The following SYCP2L variants were observed in gnomAD, a reference collection of about 807,000 sequenced individuals.
The protein encoded by SYCP2L is synaptonemal complex protein 2-like.
Under a neutral mutation model 125.8 loss-of-function variants are expected in SYCP2L, and 98 were observed. That is an observed-to-expected ratio of 0.78 (90% CI 0.66 to 0.92). SYCP2L has a LOEUF of 0.92. Ranked by LOEUF, SYCP2L falls within the 40% of genes least tolerant of loss-of-function variation. The probability of loss-of-function intolerance (pLI) is 0.00; values close to 1 mark genes in which losing one functional copy is unlikely to be tolerated. For missense variants in SYCP2L, 842 were observed against 936.4 expected, an observed-to-expected ratio of 0.90 and a Z score of 1.32; for synonymous variants, 317 against 325.4, an observed-to-expected ratio of 0.97 and a Z score of 0.28.
intron 29 of SYCP2L, among the ~76,000 whole-genome samples, chr6:10,971,472 A>AAAAG (rs1184443010): frequency 1.3e-4 from 20 of 151,192 alleles, no homozygotes; most frequent in South Asian, 4.2e-4. Flanking sequence ...AAAAAAAAAA[A>AAAAG]AAAGAAAGAA....
intron 10 of SYCP2L, among the ~76,000 whole-genome samples, chr6:10,908,985 G>A (rs754382651): frequency 9.2e-5 from 14 of 152,146 alleles, no homozygotes; most frequent in African/African-American, 2.9e-4. Context: ...TGTTGTAGGC[G>A]CTCACGTGTT....
chr6:10,916,579 A>G (rs548821397), intron 14 of SYCP2L, among the ~76,000 whole-genome samples: 6 of 152,360 alleles, frequency 3.9e-5, no homozygotes, highest in South Asian at 4.1e-4. Context: ...TTTTGACCCA[A>G]TGATCATTCA....
In SYCP2L at chr6:10,912,596, T is replaced by G. The variant is rs1303733270; in HGVS notation, c.919-77T>G. ...TTCCAGGAAGAGCACAAATTCTATTTTCAAGGGAATAATGTTTATCTGACC... is the reference window on the plus strand; with the variant it reads ...TTCCAGGAAGAGCACAAATTCTATTGTCAAGGGAATAATGTTTATCTGACC... On this transcript the variant is annotated intron_variant, in intron 12 of 29. Coordinates refer to ENST00000283141, the MANE Select transcript of SYCP2L (RefSeq NM_001040274.3). The surrounding 1 kb of genome is among the most constrained non-coding windows in gnomAD (Gnocchi z 4.1). 21 of 1,070,846 alleles carry G rather than the reference T, an allele frequency of 2.0e-5. No homozygotes were observed. The highest frequency in any genetic ancestry group is 2.7e-5 in the Non-Finnish European group (19 of 716,836). The allele number at this position is 1,070,846 out of a possible 1,614,324, so 66.3% of individuals were successfully genotyped here.
chr6:10,940,666 A>G (rs937387874), intron 21 of SYCP2L, among the ~76,000 whole-genome samples: 1 of 152,090 alleles, frequency 6.6e-6, no homozygotes, highest in African/African-American at 2.4e-5. Flanking sequence ...AGTGGTTGCC[A>G]GGTGCTAGGA....
intron 6 of SYCP2L, among the ~76,000 whole-genome samples, chr6:10,901,242 A>G (rs1368278294): frequency 6.6e-6 from 1 of 152,184 alleles, no homozygotes; most frequent in South Asian, 2.1e-4. Flanking sequence ...TCTTCTTTGT[A>G]TATGACAACA....
intron 29 of SYCP2L, among the ~76,000 whole-genome samples, chr6:10,966,455 T>G (rs941282840): frequency 6.6e-6 from 1 of 152,228 alleles, no homozygotes; most frequent in Non-Finnish European, 1.5e-5. Flanking sequence ...CGTGAAATTC[T>G]AAATGCATTA....
chr6:10,898,710 TCTG>T, intron 5 of SYCP2L, 111 bp from the exon 6 acceptor site: 1 of 758,718 alleles, frequency 1.3e-6, no homozygotes, highest in Non-Finnish European at 2.3e-6. Flanking sequence ...ATGCTTTTCT[TCTG>T]TAAAGTCAAT....
In SYCP2L at chr6:10,905,780, A is replaced by G. The variant is rs146739341; in HGVS notation, c.642-240A>G. 7.1e-3 allele frequency among the ~76,000 whole-genome samples: 1,077 copies of G among 152,336 alleles called. 11 individuals carry two copies. Among genetic ancestry groups the G allele is most frequent in the African/African-American group, 0.022 (933 of 41,578 alleles). ...ATTGAATTCACTTTACAAGAGGGAA[A>G]ACAGAACCTCAGAGTGTATATAGTA... On this transcript the variant is annotated intron_variant, in intron 8 of 29. Transcript: ENST00000283141.
At chr6:10,907,311 C>G (rs1395473154) in intron 9 of SYCP2L, among the ~76,000 whole-genome samples, 1 of 151,612 alleles carries the variant, frequency 6.6e-6, no homozygotes, top group African/African-American at 2.4e-5. Flanking sequence ...CCACTGCACT[C>G]CAGCCACCAC....
intron 20 of SYCP2L, among the ~76,000 whole-genome samples, chr6:10,932,406 C>G: frequency 6.6e-6 from 1 of 152,202 alleles, no homozygotes; most frequent in Non-Finnish European, 1.5e-5. Context: ...GTATACAGTA[C>G]AGAGCATATC....
At chr6:10,933,078 A>G (rs1781026376) in intron 20 of SYCP2L, among the ~76,000 whole-genome samples, 1 of 152,196 alleles carries the variant, frequency 6.6e-6, no homozygotes, top group Non-Finnish European at 1.5e-5. Context: ...CGATAAATTT[A>G]AGCTGTGCCT....
At chr6:10,957,699 C>G (rs931980221) in intron 25 of SYCP2L, among the ~76,000 whole-genome samples, 9 of 152,268 alleles carry the variant, frequency 5.9e-5, no homozygotes, top group Admixed American at 3.3e-4. Flanking sequence ...CACATGTAGT[C>G]CCAGCTACTC....
rs75572084 is a variant in SYCP2L, at chr6:10,964,577, T to A, written c.*37+734T>A. 5.3e-3 allele frequency among the ~76,000 whole-genome samples: 801 copies of A among 152,268 alleles called. 12 individuals carry two copies. Among genetic ancestry groups the A allele is most frequent in the East Asian group, 0.051 (264 of 5,190 alleles). ...AAAATTTTGGATTAAATTAAAAATTTAAAATTTAAATTTTAAAAATTTAAA... is the reference window on the plus strand; with the variant it reads ...AAAATTTTGGATTAAATTAAAAATTAAAAATTTAAATTTTAAAAATTTAAA... On this transcript the variant is annotated intron_variant, in intron 29 of 29. Coordinates refer to ENST00000283141, the MANE Select transcript of SYCP2L (RefSeq NM_001040274.3).
At chr6:10,952,598 G>A (rs1220878898) in intron 23 of SYCP2L, among the ~76,000 whole-genome samples, 1 of 121,382 alleles carries the variant, frequency 8.2e-6, no homozygotes, top group African/African-American at 3.0e-5. Flanking sequence ...AAAAAAAAAA[G>A]TTCCAGAAGG....
Position 10,924,579 on chromosome 6 carries a change from C to T in SYCP2L, c.1156C>T (p.His386Tyr). 1 of 1,605,252 alleles carries T rather than the reference C, an allele frequency of 6.2e-7. No individual in the cohort carries two copies. The highest frequency in any genetic ancestry group is 8.5e-7 in the Non-Finnish European group (1 of 1,177,504). The change falls in exon 15 of 30, where the codon CAT becomes TAT. Residue 386 changes from histidine (H) to tyrosine (Y), a missense_variant. Transcript: ENST00000283141. ...SYKEVMKIEI[H>Y]FDLQFNISQV... ...CAAAGAAGTCATGAAAATAGAAATC[C>T]ATTTTGATTTGCAGTTCAACATATC...
intron 14 of SYCP2L, among the ~76,000 whole-genome samples, chr6:10,923,459 C>G (rs1780837164): frequency 7.1e-6 from 1 of 140,778 alleles, no homozygotes; most frequent in African/African-American, 2.7e-5. Context: ...GATCTCGGCT[C>G]ATTGCAACCT....
At chr6:10,937,337 C>T (rs928296250) in intron 21 of SYCP2L, among the ~76,000 whole-genome samples, 6 of 151,770 alleles carry the variant, frequency 4.0e-5, no homozygotes, top group Non-Finnish European at 8.8e-5. Context: ...AACACACTCC[C>T]GAATAACCAA....
chr6:10,947,913 C>T (rs1421630361), intron 23 of SYCP2L, among the ~76,000 whole-genome samples: 1 of 151,966 alleles, frequency 6.6e-6, no homozygotes, highest in Non-Finnish European at 1.5e-5. Context: ...TAAAGAAGTT[C>T]CTTTCTACTC....
intron 23 of SYCP2L, among the ~76,000 whole-genome samples, chr6:10,946,945 A>G (rs1237392751): frequency 1.3e-5 from 2 of 151,694 alleles, no homozygotes; most frequent in African/African-American, 4.8e-5. Context: ...CTTTTGGCTC[A>G]TTCCTCTTTC....
Sources: allele counts gnomAD v4.1 joint callset (sites outside exome capture counted in the v4.1 genomes callset), GRCh38; gene constraint gnomAD v4.1.1; non-coding constraint Gnocchi (gnomAD v3.1); transcripts MANE v1.5; gene names NCBI Gene and HGNC (gene_info 2026-07-23, HGNC 2026-07-21).